CMTM8: variants seen among roughly 807,000 people sequenced by gnomAD.
CMTM8 encodes CKLF like MARVEL transmembrane domain containing 8, also known as CKLF-like MARVEL transmembrane domain-containing protein 8.
A neutral mutation model predicts 18.6 loss-of-function variants in CMTM8; 12 were observed. The observed-to-expected ratio is 0.65, with a 90% CI of 0.41 to 1.05. CMTM8 has a LOEUF of 1.05. Ranked by LOEUF, CMTM8 falls within the 50% of genes least tolerant of loss-of-function variation. The pLI is 0.00. For missense variants in CMTM8, 217 were observed against 227.2 expected, an observed-to-expected ratio of 0.95 and a Z score of 0.29; for synonymous variants, 87 against 90.6, an observed-to-expected ratio of 0.96 and a Z score of 0.23.
At chr3:32,246,348 C>T (rs1425042627) in intron 1 of CMTM8, among the ~76,000 whole-genome samples, 3 of 152,138 alleles carry the variant, frequency 2.0e-5, no homozygotes, top group African/African-American at 7.2e-5. Context: ...CCCAGGGTTC[C>T]TCCCTGCTGG....
chr3:32,347,829 G>A (rs562243017), intron 1 of CMTM8, among the ~76,000 whole-genome samples: 22 of 152,118 alleles, frequency 1.4e-4, no homozygotes, highest in Non-Finnish European at 2.4e-4. Context: ...AGCTTCAATC[G>A]ATAAAAAGAA....
chr3:32,270,411 A>G (rs1477624267), intron 1 of CMTM8, among the ~76,000 whole-genome samples: 1 of 152,224 alleles, frequency 6.6e-6, no homozygotes, highest in Non-Finnish European at 1.5e-5. Context: ...CTATAAAGAC[A>G]CATGCACACA....
At chr3:32,269,504 A>G (rs1017129930) in intron 1 of CMTM8, among the ~76,000 whole-genome samples, 3 of 152,194 alleles carry the variant, frequency 2.0e-5, no homozygotes, top group Non-Finnish European at 4.4e-5. Context: ...TGCTTTTGTG[A>G]AAGGTGGAAG....
chr3:32,286,943 A>G (rs1458963768), intron 1 of CMTM8, among the ~76,000 whole-genome samples: 11 of 152,264 alleles, frequency 7.2e-5, no homozygotes. Flanking sequence ...TGTGGGCTCC[A>G]GCCCTGCCTG....
intron 1 of CMTM8, among the ~76,000 whole-genome samples, chr3:32,312,982 TA>T (rs1383517122): frequency 6.6e-6 from 1 of 152,136 alleles, no homozygotes; most frequent in Non-Finnish European, 1.5e-5. Context: ...TAGGAAATTA[TA>T]AGGGTTTTAG....
chr3:32,327,530 A>G (rs984477728), intron 1 of CMTM8, among the ~76,000 whole-genome samples: 2 of 152,202 alleles, frequency 1.3e-5, no homozygotes, highest in Non-Finnish European at 2.9e-5. Flanking sequence ...TCCTCTTGGA[A>G]TGAATTTGAA....
chr3:32,344,989 G>A (rs985859986), intron 1 of CMTM8, among the ~76,000 whole-genome samples: 6 of 152,138 alleles, frequency 3.9e-5, no homozygotes, highest in Non-Finnish European at 7.4e-5. Flanking sequence ...GGACAGAGGA[G>A]GGCAGTTGAA....
intron 1 of CMTM8, among the ~76,000 whole-genome samples, chr3:32,282,132 C>G (rs1559369076): frequency 6.6e-6 from 1 of 152,136 alleles, no homozygotes. Context: ...GTCTCATAGG[C>G]AACTCAGGCT....
intron 1 of CMTM8, among the ~76,000 whole-genome samples, chr3:32,262,960 A>G (rs1265154125): frequency 6.6e-6 from 1 of 152,236 alleles, no homozygotes; most frequent in Non-Finnish European, 1.5e-5. Context: ...GTAACTAAAG[A>G]AAGCTTAAAA....
At chr3:32,282,884 C>T (rs1429516173) in intron 1 of CMTM8, among the ~76,000 whole-genome samples, 2 of 152,202 alleles carry the variant, frequency 1.3e-5, no homozygotes, top group Non-Finnish European at 2.9e-5. Flanking sequence ...CTGCCTAGAA[C>T]CCACTTTCTC....
chr3:32,268,552 C>G (rs1217368896), intron 1 of CMTM8, among the ~76,000 whole-genome samples: 1 of 149,890 alleles, frequency 6.7e-6, no homozygotes, highest in African/African-American at 2.5e-5. Context: ...ATGTAACAAA[C>G]TTGCACGTTG....
At chr3:32,267,818 A>G (rs1418481905) in intron 1 of CMTM8, among the ~76,000 whole-genome samples, 2 of 152,266 alleles carry the variant, frequency 1.3e-5, no homozygotes, top group African/African-American at 4.8e-5. Context: ...AAAAGAAGAC[A>G]TTTATGCAGT....
At chr3:32,357,646 G>A in intron 2 of CMTM8, 100 bp downstream of exon 2, 1 of 1,231,072 alleles carries the variant, frequency 8.1e-7, no homozygotes, top group Non-Finnish European at 1.1e-6. Flanking sequence ...CCCAGAAAAG[G>A]TGGGGCCATA....
At chr3:32,309,560 G>A (rs148084044) in intron 1 of CMTM8, among the ~76,000 whole-genome samples, 182 of 152,048 alleles carry the variant, frequency 1.2e-3, no homozygotes, top group African/African-American at 4.3e-3. Context: ...CACCTGCCTC[G>A]GCTTCCCAAA....
intron 1 of CMTM8, among the ~76,000 whole-genome samples, chr3:32,310,848 A>G (rs1371086688): frequency 6.6e-6 from 1 of 152,182 alleles, no homozygotes; most frequent in East Asian, 1.9e-4. Context: ...AAAAAATGTT[A>G]AACACCTATG....
chr3:32,239,206 C>A lies in CMTM8; in HGVS notation c.147+87C>A, dbSNP rs983033089. The A allele has an allele frequency of 6.3e-6, 9 of 1,429,888 alleles. No homozygotes were observed. The African/African-American group carries it at 1.0e-4, about 16-fold the overall frequency. 88.6% of individuals were successfully genotyped at this position (1,429,888 alleles called of 1,614,324 possible). Reference sequence around the variant, plus strand: ...CGTGCTTCTCGGGATGGAGCCTGCTCAGATCTTCCCGCGGGCTTTAGGGAA... The same window carrying A: ...CGTGCTTCTCGGGATGGAGCCTGCTAAGATCTTCCCGCGGGCTTTAGGGAA... On this transcript the variant is annotated intron_variant, in intron 1 of 3. Coordinates refer to ENST00000307526, the MANE Select transcript of CMTM8 (RefSeq NM_178868.5).
intron 1 of CMTM8, among the ~76,000 whole-genome samples, chr3:32,315,486 G>C (rs939240398): frequency 6.6e-6 from 1 of 152,136 alleles, no homozygotes; most frequent in African/African-American, 2.4e-5. Context: ...ACCACAAAAC[G>C]GGGCAGGATG....
At position 32,242,860 on chromosome 3, in the gene CMTM8, A is replaced by AT. The variant is rs199567040; in HGVS notation, c.147+3756dup. On this transcript the variant is annotated intron_variant, in intron 1 of 3. Transcript: ENST00000307526. ...AAGGTATTTTAGTAAACAAAATACA[A>AT]TTTTTTTTTTTTTTTGAGACAGAGT... Among the ~76,000 whole-genome samples, 887 of 144,862 alleles carry AT rather than the reference A, an allele frequency of 6.1e-3. 4 individuals carry two copies. Among genetic ancestry groups the AT allele is most frequent in the African/African-American group, 0.015 (603 of 39,474 alleles).
intron 1 of CMTM8, among the ~76,000 whole-genome samples, chr3:32,341,697 C>A (rs975529662): frequency 7.0e-6 from 1 of 143,384 alleles, no homozygotes; most frequent in African/African-American, 2.6e-5. Flanking sequence ...GCCAACATGG[C>A]GAAACCCCCT....
Sources: gnomAD v4.1 joint callset for allele counts (sites outside exome capture counted in the v4.1 genomes callset) on GRCh38, gnomAD v4.1.1 for gene constraint, MANE v1.5 for transcripts, NCBI Gene and HGNC (gene_info 2026-07-23, HGNC 2026-07-21) for gene names.